TENM2: variants seen among roughly 807,000 people sequenced by gnomAD.
TENM2 encodes teneurin transmembrane protein 2.
A neutral mutation model predicts 245.2 loss-of-function variants in TENM2; 52 were observed. The ratio of observed to expected loss-of-function variants is 0.21; its 90% confidence interval spans 0.17 to 0.27. TENM2 has a LOEUF of 0.27. TENM2 is among the 10% of genes least tolerant of loss of function. The pLI is 1.00. For synonymous variants in TENM2, 1,363 were observed against 1,438.9 expected (o/e 0.95, Z 1.19); for missense variants, 3,046 against 3,666.8 (o/e 0.83, Z 4.37).
chr5:167,236,174 T>C, the TENM2 span, among the ~76,000 whole-genome samples: 1 of 152,292 alleles, frequency 6.6e-6, no homozygotes, highest in Non-Finnish European at 1.5e-5. Flanking sequence ...ACTTCCTGTC[T>C]AAATGAGCCA....
the TENM2 span, among the ~76,000 whole-genome samples, chr5:167,068,281 C>T: frequency 6.6e-6 from 1 of 152,148 alleles, no homozygotes; most frequent in Non-Finnish European, 1.5e-5. Flanking sequence ...AGCATTAGTG[C>T]CCAGTCACAA....
chr5:167,890,022 A>C (rs1774619556), intron 3 of TENM2, among the ~76,000 whole-genome samples: 1 of 152,184 alleles, frequency 6.6e-6, no homozygotes, highest in Non-Finnish European at 1.5e-5. Context: ...ATGGTGAAGA[A>C]AGAAACGGCC....
At chr5:167,538,585 C>A (rs1771998359) in intron 2 of TENM2, among the ~76,000 whole-genome samples, 1 of 152,144 alleles carries the variant, frequency 6.6e-6, no homozygotes, top group African/African-American at 2.4e-5. Flanking sequence ...AGCCTTGGAG[C>A]ACCATGAATT....
intron 2 of TENM2, among the ~76,000 whole-genome samples, chr5:167,700,517 G>T (rs1758068239): frequency 6.6e-6 from 1 of 152,126 alleles, no homozygotes; most frequent in African/African-American, 2.4e-5. Context: ...ACGTTTAATG[G>T]TTAGTTCAGA....
intron 2 of TENM2, among the ~76,000 whole-genome samples, chr5:167,856,545 T>C (rs1771115916): frequency 6.6e-6 from 1 of 152,222 alleles, no homozygotes; most frequent in Non-Finnish European, 1.5e-5. Context: ...TGAATCTATA[T>C]GGATCTCGAT....
At chr5:167,801,719 T>A (rs1219826311) in intron 2 of TENM2, among the ~76,000 whole-genome samples, 1 of 152,086 alleles carries the variant, frequency 6.6e-6, no homozygotes, top group African/African-American at 2.4e-5. Context: ...GAATGCAGAA[T>A]GCAGGCTCAT....
chr5:168,060,280 G>A (rs1789927521), intron 6 of TENM2, among the ~76,000 whole-genome samples: 1 of 152,068 alleles, frequency 6.6e-6, no homozygotes, highest in African/African-American at 2.4e-5. Flanking sequence ...AGGGATGGTG[G>A]TCCATGCCTA....
At position 167,611,144 on chromosome 5, in the gene TENM2, G is replaced by A. The variant is rs184713725; in HGVS notation, c.502+235671G>A. ...ACTATTCCCCAGGGGTTCACTTTTC[G>A]GATTCTACTTTTTCCCATTCTTATT... On this transcript the variant is annotated intron_variant, in intron 2 of 28. Transcript: ENST00000518659. 1.8e-3 allele frequency among the ~76,000 whole-genome samples: 271 copies of A among 152,076 alleles called. 1 individual carries two copies. The highest frequency in any genetic ancestry group is 6.2e-3 in the African/African-American group (258 of 41,506).
intron 2 of TENM2, among the ~76,000 whole-genome samples, chr5:167,800,144 A>G (rs1216417951): frequency 6.6e-6 from 1 of 152,210 alleles, no homozygotes; most frequent in Admixed American, 6.5e-5. Context: ...TATCTGCACA[A>G]TGTGCATGCA....
the TENM2 span, among the ~76,000 whole-genome samples, chr5:167,185,712 A>ATT: frequency 1.3e-5 from 2 of 148,328 alleles, no homozygotes; most frequent in African/African-American, 4.9e-5. Context: ...CTTGAAGGTC[A>ATT]TTTTTTTTTT....
chr5:167,307,779 T>C (rs1050124945), intron 1 of TENM2, among the ~76,000 whole-genome samples: 1 of 152,174 alleles, frequency 6.6e-6, no homozygotes, highest in African/African-American at 2.4e-5. Context: ...TAAAGAAAAG[T>C]AGAAAGCACG....
chr5:167,161,184 A>C, the TENM2 span, among the ~76,000 whole-genome samples: 2 of 152,158 alleles, frequency 1.3e-5, no homozygotes, highest in African/African-American at 4.8e-5. Flanking sequence ...CTCTCCAAAA[A>C]ACTAATATGT....
the TENM2 span, among the ~76,000 whole-genome samples, chr5:167,065,392 TC>T: frequency 2.0e-5 from 3 of 152,208 alleles, no homozygotes; most frequent in Admixed American, 2.0e-4. Flanking sequence ...TTTCCACATT[TC>T]TGTATCCCTT....
At chr5:167,268,888 A>AGAT in the TENM2 span, among the ~76,000 whole-genome samples, 3 of 149,024 alleles carry the variant, frequency 2.0e-5, no homozygotes, top group African/African-American at 7.4e-5. Flanking sequence ...ATAGATAGAT[A>AGAT]GATAGATAGA....
At chr5:167,394,430 TA>T (rs1300820584) in intron 2 of TENM2, among the ~76,000 whole-genome samples, 5 of 152,188 alleles carry the variant, frequency 3.3e-5, no homozygotes, top group African/African-American at 9.7e-5. Flanking sequence ...GTTGACTATA[TA>T]AATGTGGCTT....
chr5:168,095,956 T>C (rs1793333702), intron 8 of TENM2, among the ~76,000 whole-genome samples: 1 of 152,110 alleles, frequency 6.6e-6, no homozygotes, highest in Non-Finnish European at 1.5e-5. Flanking sequence ...TCAGGTCGGG[T>C]GATGCCAGTG....
chr5:167,160,238 G>A, the TENM2 span, among the ~76,000 whole-genome samples: 1 of 152,326 alleles, frequency 6.6e-6, no homozygotes, highest in East Asian at 1.9e-4. Context: ...GTGTTAACCT[G>A]AATCAGATAA....
chr5:167,553,842 T>C (rs1808380), intron 2 of TENM2, among the ~76,000 whole-genome samples: 118,530 of 152,140 alleles, frequency 0.78, 46,391 homozygotes, highest in East Asian at 0.85. Flanking sequence ...CACACAGACT[T>C]TTCTAAAGCA....
At chr5:167,570,399 AAAAC>A (rs1774192461) in intron 2 of TENM2, among the ~76,000 whole-genome samples, 1 of 56,258 alleles carries the variant, frequency 1.8e-5, no homozygotes, top group Non-Finnish European at 4.3e-5. Context: ...AAGAAAAAAA[AAAAC>A]CTCTTAAAAC....
Sources: allele counts gnomAD v4.1 joint callset (sites outside exome capture counted in the v4.1 genomes callset), GRCh38; gene constraint gnomAD v4.1.1; transcripts MANE v1.5; gene names NCBI Gene and HGNC (gene_info 2026-07-23, HGNC 2026-07-21).